RAB38: variants seen among roughly 807,000 people sequenced by gnomAD.
RAB38 encodes ras-related protein Rab-38.
A neutral mutation model predicts 18.4 loss-of-function variants in RAB38; 15 were observed. The observed-to-expected ratio is 0.82, with a 90% CI of 0.55 to 1.26. The LOEUF (loss-of-function observed/expected upper bound fraction) is 1.26, where lower values mean the gene tolerates loss of function less well. Among genes scored for constraint, RAB38 ranks in the 50% most tolerant of loss-of-function variants. The pLI, the probability that RAB38 is intolerant of heterozygous loss-of-function variation, is 0.00. For synonymous variants in RAB38, 101 were observed against 104.4 expected (o/e 0.97, Z 0.20); for missense variants, 294 against 267.4 (o/e 1.10, Z -0.69).
At chr11:87,817,424 T>C in the RAB38 span, 1 of 152,204 alleles carries the variant, frequency 6.6e-6, no homozygotes, top group African/African-American at 2.4e-5. Flanking sequence ...TAAAACTCAT[T>C]TAAGTCATTT....
At chr11:87,976,643 A>G in the RAB38 span, among the ~76,000 whole-genome samples, 1 of 113,030 alleles carries the variant, frequency 8.8e-6, no homozygotes, top group Non-Finnish European at 1.7e-5. Context: ...ATGATTTTAT[A>G]TGATATATAA....
chr11:87,959,675 T>C, the RAB38 span, among the ~76,000 whole-genome samples: 2 of 152,198 alleles, frequency 1.3e-5, no homozygotes, highest in Non-Finnish European at 1.5e-5. Flanking sequence ...TGAGCAAAAG[T>C]AATATGAGCA....
the RAB38 span, among the ~76,000 whole-genome samples, chr11:87,953,600 A>C: frequency 6.6e-6 from 1 of 152,144 alleles, no homozygotes; most frequent in African/African-American, 2.4e-5. Flanking sequence ...TTAATCTGTT[A>C]TTGTGTCTAA....
chr11:87,927,674 T>G, the RAB38 span, among the ~76,000 whole-genome samples: 84 of 152,122 alleles, frequency 5.5e-4, no homozygotes, highest in African/African-American at 1.6e-3. Flanking sequence ...GATTTAAAAT[T>G]GTCTTCAAAT....
At chr11:87,933,421 C>T in the RAB38 span, among the ~76,000 whole-genome samples, 19 of 152,168 alleles carry the variant, frequency 1.2e-4, no homozygotes, top group East Asian at 3.3e-3. Context: ...AGCTTAGTTA[C>T]CTCATTCTAT....
At chr11:87,830,500 G>A in the RAB38 span, among the ~76,000 whole-genome samples, 3 of 151,348 alleles carry the variant, frequency 2.0e-5, no homozygotes, top group Non-Finnish European at 4.4e-5. Flanking sequence ...AAAACTGCTC[G>A]AAGCCTAATA....
At chr11:88,008,197 ATATTTACTGTATGTAAAT>A in the RAB38 span, among the ~76,000 whole-genome samples, 4 of 152,168 alleles carry the variant, frequency 2.6e-5, no homozygotes. Flanking sequence ...TTTGATATCT[ATATTTACTGTATGTAAAT>A]TATACTTCTA....
chr11:88,161,942 G>T (rs1290874788), intron 1 of RAB38, among the ~76,000 whole-genome samples: 1 of 152,002 alleles, frequency 6.6e-6, no homozygotes, highest in Non-Finnish European at 1.5e-5. Flanking sequence ...TATTTCTAGG[G>T]AGTAACAGTG....
At chr11:87,947,209 A>G in the RAB38 span, among the ~76,000 whole-genome samples, 1 of 149,018 alleles carries the variant, frequency 6.7e-6, no homozygotes, top group Non-Finnish European at 1.5e-5. Flanking sequence ...GTGTCTGTTC[A>G]TATCCTTCAC....
the RAB38 span, among the ~76,000 whole-genome samples, chr11:87,962,509 A>AG: frequency 1.2e-4 from 12 of 104,338 alleles, no homozygotes; most frequent in Non-Finnish European, 2.1e-4. Flanking sequence ...GGCAGGGGGC[A>AG]GGGGGGAAGA....
the RAB38 span, among the ~76,000 whole-genome samples, chr11:87,919,952 A>G: frequency 6.6e-6 from 1 of 151,982 alleles, no homozygotes; most frequent in African/African-American, 2.4e-5. Flanking sequence ...AAGTCTGACA[A>G]ATGTATTTCT....
At chr11:87,974,209 TAA>T in the RAB38 span, among the ~76,000 whole-genome samples, 1 of 119,500 alleles carries the variant, frequency 8.4e-6, no homozygotes, top group African/African-American at 4.1e-5. Context: ...CAAGCTGATG[TAA>T]GTATGTTCTC....
the RAB38 span, among the ~76,000 whole-genome samples, chr11:87,976,199 C>T: frequency 6.9e-6 from 1 of 145,344 alleles, no homozygotes; most frequent in African/African-American, 2.5e-5. Flanking sequence ...TTTATATATA[C>T]TCTATGTATA....
the RAB38 span, among the ~76,000 whole-genome samples, chr11:88,029,993 A>G: frequency 6.6e-6 from 1 of 152,310 alleles, no homozygotes; most frequent in East Asian, 1.9e-4. Context: ...AGCTCTCCTC[A>G]GCAAATGTAA....
chr11:87,892,184 A>T, the RAB38 span, among the ~76,000 whole-genome samples: 2 of 151,828 alleles, frequency 1.3e-5, no homozygotes, highest in Non-Finnish European at 2.9e-5. Context: ...GGAAATAAAA[A>T]GACTCAAGTT....
chr11:88,173,466 A>C (rs983851996), intron 1 of RAB38: 1 of 929,798 alleles, frequency 1.1e-6, no homozygotes, highest in Non-Finnish European at 1.3e-6. Flanking sequence ...GAGGCAGTTC[A>C]ACTCTGGAAT....
At chr11:88,065,333 A>G in the RAB38 span, among the ~76,000 whole-genome samples, 2 of 152,196 alleles carry the variant, frequency 1.3e-5, no homozygotes, top group African/African-American at 4.8e-5. Context: ...TATTCCTAAC[A>G]TTCTTCCTCC....
chr11:87,887,188 CTT>C, the RAB38 span, among the ~76,000 whole-genome samples: 1 of 151,924 alleles, frequency 6.6e-6, no homozygotes, highest in Non-Finnish European at 1.5e-5. Flanking sequence ...GGCTAAGTAA[CTT>C]TTCCAATTAT....
chr11:88,048,260 G>C, the RAB38 span, among the ~76,000 whole-genome samples: 1 of 152,076 alleles, frequency 6.6e-6, no homozygotes, highest in African/African-American at 2.4e-5. Context: ...GTCTGAAAAG[G>C]CCACCACGGT....
Sources: allele counts gnomAD v4.1 joint callset (sites outside exome capture counted in the v4.1 genomes callset), GRCh38; gene constraint gnomAD v4.1.1; transcripts MANE v1.5; gene names NCBI Gene and HGNC (gene_info 2026-07-23, HGNC 2026-07-21).